Variants in NFATC2 observed in about 807,000 individuals in gnomAD.
NFATC2 encodes the protein nuclear factor of activated T-cells, cytoplasmic 2.
NFATC2 carries 22 observed loss-of-function variants against 87.3 expected under a neutral mutation model. The ratio of observed to expected loss-of-function variants is 0.25; its 90% confidence interval spans 0.18 to 0.36. The LOEUF (loss-of-function observed/expected upper bound fraction) is 0.36, where lower values mean the gene tolerates loss of function less well. Among genes scored for constraint, NFATC2 ranks in the 10% least tolerant of loss-of-function variants. NFATC2 has a pLI of 1.00. For missense variants in NFATC2, 1,149 were observed against 1,259.1 expected (o/e 0.91, Z 1.32); for synonymous variants, 565 against 542.2 (o/e 1.04, Z -0.58).
At chr20:51,527,224 A>C (rs545981849) in intron 1 of NFATC2, among the ~76,000 whole-genome samples, 1 of 152,054 alleles carries the variant, frequency 6.6e-6, no homozygotes, top group Non-Finnish European at 1.5e-5. Flanking sequence ...AAAAGCATCA[A>C]GCTCCTTCCT....
chr20:51,435,811 A>G (rs762457560), intron 6 of NFATC2, 50 bp from the exon 7 acceptor site: 1 of 1,502,908 alleles, frequency 6.7e-7, no homozygotes, highest in Non-Finnish European at 9.1e-7. Flanking sequence ...TAGAAACCAA[A>G]GATTTAAGAC....
chr20:51,553,348 C>T (rs1234203358), intron 1 of NFATC2, among the ~76,000 whole-genome samples: 2 of 152,170 alleles, frequency 1.3e-5, no homozygotes, highest in African/African-American at 4.8e-5. Context: ...CTTTCTAGCA[C>T]GTTCCCCTCT....
At chr20:51,412,587 C>G (rs1014587094) in intron 9 of NFATC2, among the ~76,000 whole-genome samples, 1 of 152,156 alleles carries the variant, frequency 6.6e-6, no homozygotes, top group Non-Finnish European at 1.5e-5. Context: ...AGGGAGGCCC[C>G]GCTGGCCTGG....
chr20:51,389,179 G>A lies in NFATC2; in HGVS notation c.*2317C>T, dbSNP rs986779174. On this transcript the variant is annotated 3_prime_UTR_variant, in exon 11 of 11. Transcript: ENST00000371564. ...ATTACACACACACACGCGTACAGGA[G>A]GTTGAGCTACCAGGAGGCCGTTTTT... 4 of 152,184 alleles carry A rather than the reference G, an allele frequency of 2.6e-5. No homozygotes were observed. Among genetic ancestry groups the A allele is most frequent in the Admixed American group, 2.0e-4 (3 of 15,278 alleles). The allele number at this position is 152,184 out of a possible 1,614,324, so 9.4% of individuals were successfully genotyped here.
Position 51,524,017 on chromosome 20 carries a change from A to G in NFATC2, c.224T>C (p.Leu75Pro), listed in dbSNP as rs766302062. ...LDYGLKPYSP[L>P]ASLSGEPPGR... is the part of the protein sequence containing the mutation. ...GGGGGGCTCGCCAGAGAGACTAGCA[A>G]GGGGGCTGTATGGCTTGAGGCCATA... The change falls in exon 2 of 11, where the codon CTT becomes CCT. Residue 75 changes from leucine (L) to proline (P), a missense_variant. Coordinates refer to ENST00000371564, the MANE Select transcript of NFATC2 (RefSeq NM_012340.5). The surrounding 1 kb of genome is among the most constrained non-coding windows in gnomAD (Gnocchi z 4.0). 14 of 1,561,170 alleles carry G rather than the reference A, an allele frequency of 9.0e-6. 1 individual carries two copies. The highest frequency in any genetic ancestry group is 1.2e-5 in the Non-Finnish European group (14 of 1,158,880).
chr20:51,516,677 G>A (rs1330921953), intron 3 of NFATC2, 107 bp downstream of exon 3: 6 of 1,184,432 alleles, frequency 5.1e-6, no homozygotes, highest in Non-Finnish European at 7.1e-6. Context: ...GGAGTAAGAG[G>A]CTGAGACACA....
At chr20:51,522,573 CTT>C (rs10648166) in intron 2 of NFATC2, among the ~76,000 whole-genome samples, 10 of 145,442 alleles carry the variant, frequency 6.9e-5, no homozygotes, top group Admixed American at 1.4e-4. Flanking sequence ...TCACATATTT[CTT>C]TTTTTTTTTT....
At chr20:51,398,048 C>T (rs1008099869) in intron 10 of NFATC2, among the ~76,000 whole-genome samples, 8 of 150,324 alleles carry the variant, frequency 5.3e-5, no homozygotes, top group East Asian at 2.0e-4. Context: ...GGGGCTCAGC[C>T]GAGCACCCTG....
Position 51,391,474 on chromosome 20 carries a change from G to GGC in NFATC2, c.*45-24_*45-23insGC, listed in dbSNP as rs1555861936. On this transcript the variant is annotated intron_variant, in intron 10 of 10. Transcript: ENST00000371564. ...TAACTACAAAAGAAAAGAGGAGGGG[G>GGC]GGGGAGAGAGAATGGGGCAAGTGAG... 4 of 1,585,136 alleles carry GGC rather than the reference G, an allele frequency of 2.5e-6. No homozygotes were observed. In the East Asian group the frequency reaches 9.0e-5, roughly 36 times the overall value.
intron 3 of NFATC2, among the ~76,000 whole-genome samples, chr20:51,479,012 T>C (rs1244213339): frequency 4.6e-5 from 7 of 152,216 alleles, no homozygotes; most frequent in South Asian, 4.1e-4. Context: ...GTTAAACCTA[T>C]AGGAATTTTA....
At position 51,523,239 on chromosome 20, in the gene NFATC2, G is replaced by A. The variant is rs765637170; in HGVS notation, c.1002C>T (p.Ala334=). 1.4e-5 allele frequency: 23 copies of A among 1,613,534 alleles called. No homozygotes were observed. Among genetic ancestry groups the A allele is most frequent in the Non-Finnish European group, 1.9e-5 (22 of 1,179,752 alleles). The change falls in exon 2 of 11, where the codon GCC becomes GCT. Residue 334 remains alanine, a synonymous_variant. Coordinates refer to ENST00000371564, the MANE Select transcript of NFATC2 (RefSeq NM_012340.5). This position sits in a 1 kb window ranked among gnomAD's most constrained non-coding sequence, Gnocchi z 6.9. The part of the protein sequence containing the change: ...KTSPDPSPVS[A]APSKAGLPRH... ...GAGGCAGGCCGGCCTTGGATGGGGC[G>A]GCAGACACCGGCGAGGGGTCAGGGC...
intron 1 of NFATC2, among the ~76,000 whole-genome samples, chr20:51,550,879 AAG>A (rs2076927279): frequency 6.6e-6 from 1 of 152,218 alleles, no homozygotes; most frequent in Non-Finnish European, 1.5e-5. Flanking sequence ...CACCATCGTA[AAG>A]AAAGCCTAAG....
chr20:51,474,971 ATTT>A (rs370019272), intron 4 of NFATC2, among the ~76,000 whole-genome samples: 3 of 141,282 alleles, frequency 2.1e-5, no homozygotes, highest in Admixed American at 7.1e-5. Context: ...TACTTTATTT[ATTT>A]TTTTTTTTTT....
intron 9 of NFATC2, among the ~76,000 whole-genome samples, chr20:51,409,879 T>G (rs1395024662): frequency 6.6e-6 from 1 of 152,194 alleles, no homozygotes; most frequent in African/African-American, 2.4e-5. Context: ...GCACAATATC[T>G]GGTCCCTCCT....
At chr20:51,525,073 A>G (rs2076522001) in intron 1 of NFATC2, among the ~76,000 whole-genome samples, 1 of 152,052 alleles carries the variant, frequency 6.6e-6, no homozygotes, top group Admixed American at 6.5e-5. Context: ...TACAAAAATT[A>G]GCCAGGCGTG....
At chr20:51,536,523 C>T (rs981188717) in intron 1 of NFATC2, among the ~76,000 whole-genome samples, 3 of 152,200 alleles carry the variant, frequency 2.0e-5, no homozygotes, top group Admixed American at 6.5e-5. Flanking sequence ...TGTATTTAAC[C>T]TGCCACCTGA....
At chr20:51,522,245 T>TA (rs2076457122) in intron 2 of NFATC2, among the ~76,000 whole-genome samples, 2 of 113,850 alleles carry the variant, frequency 1.8e-5, no homozygotes, top group South Asian at 5.9e-4. Flanking sequence ...TCACAGGGAG[T>TA]AAACCAAGAC....
At chr20:51,455,521 T>C (rs1442912046) in intron 5 of NFATC2, among the ~76,000 whole-genome samples, 2 of 151,608 alleles carry the variant, frequency 1.3e-5, no homozygotes, top group Non-Finnish European at 2.9e-5. Context: ...TTGCTTTCTC[T>C]GTCCTACTTT....
intron 2 of NFATC2, among the ~76,000 whole-genome samples, chr20:51,518,420 T>C (rs995489683): frequency 6.6e-6 from 1 of 152,200 alleles, no homozygotes; most frequent in African/African-American, 2.4e-5. Flanking sequence ...AGCACCTCCA[T>C]AAACTTCATC....
Sources: allele counts gnomAD v4.1 joint callset (sites outside exome capture counted in the v4.1 genomes callset), GRCh38; gene constraint gnomAD v4.1.1; non-coding constraint Gnocchi (gnomAD v3.1); transcripts MANE v1.5; gene names NCBI Gene and HGNC (gene_info 2026-07-23, HGNC 2026-07-21).